Variants in CALR3 observed in about 807,000 individuals in gnomAD.
The protein encoded by CALR3 is calreticulin-3.
A neutral mutation model predicts 48.7 loss-of-function variants in CALR3; 39 were observed. The ratio of observed to expected loss-of-function variants is 0.80; its 90% CI spans 0.62 to 1.05. CALR3 has a LOEUF of 1.05. CALR3 is among the 50% of genes least tolerant of loss of function. The pLI, the probability that CALR3 is intolerant of heterozygous loss-of-function variation, is 0.00. For synonymous variants in CALR3, 185 were observed against 172.7 expected (o/e 1.07, Z -0.56); for missense variants, 449 against 474.7 (o/e 0.95, Z 0.50).
intron 3 of CALR3, among the ~76,000 whole-genome samples, chr19:16,489,435 A>C (rs2093394373): frequency 6.6e-6 from 1 of 152,172 alleles, no homozygotes; most frequent in Non-Finnish European, 1.5e-5. Context: ...CCTGACCAAC[A>C]TGGAGAAACC....
chr19:16,480,740 T>C (rs1055840112), intron 7 of CALR3, 34 bp from the exon 8 acceptor site: 28 of 1,339,174 alleles, frequency 2.1e-5, no homozygotes, highest in Non-Finnish European at 3.0e-5. Flanking sequence ...ATTATTATGC[T>C]TTTATTCTTT....
intron 2 of CALR3, among the ~76,000 whole-genome samples, chr19:16,494,305 G>A (rs533076178): frequency 1.3e-5 from 2 of 152,042 alleles, no homozygotes; most frequent in African/African-American, 2.4e-5. Flanking sequence ...CAAGTAATCC[G>A]CCTGCCTTGG....
intron 3 of CALR3, among the ~76,000 whole-genome samples, chr19:16,485,958 A>G (rs2093388433): frequency 6.6e-6 from 1 of 152,116 alleles, no homozygotes; most frequent in South Asian, 2.1e-4. Flanking sequence ...GCATCTGGTC[A>G]CATGTGTGAA....
chr19:16,481,425 C>T (rs2093380457), intron 7 of CALR3, among the ~76,000 whole-genome samples: 1 of 150,188 alleles, frequency 6.7e-6, no homozygotes, highest in Non-Finnish European at 1.5e-5. Context: ...GGCTGCACAT[C>T]GGGATCACCA....
At chr19:16,481,903 T>A (rs2122126852) in intron 7 of CALR3, among the ~76,000 whole-genome samples, 1 of 107,086 alleles carries the variant, frequency 9.3e-6, no homozygotes. Context: ...GACTCCCATC[T>A]CTTTTTTTTT....
rs755784741 is a variant in CALR3 at position 16,496,099 on chromosome 19, T to G, written c.31A>C (p.Ile11Leu). The change falls in exon 1 of 9, where the codon ATA becomes CTA. Residue 11 changes from isoleucine to leucine, a missense_variant. Physicochemically the swap from Ile to Leu is conservative, Grantham distance 5. Transcript: ENST00000269881. The stretch of plus-strand genomic sequence containing the variant: ...GCCAGCGCCACTCGCAGCATGCATA[T>G]GGCCCAGAGCTGGACCAAAGCCCGG... MARALVQLWA[I>L]CMLRVALATV... 6.2e-6 allele frequency: 10 copies of G among 1,606,906 alleles called. No individual in the cohort carries two copies. The highest frequency in any genetic ancestry group is 8.5e-6 in the Non-Finnish European group (10 of 1,176,858).
chr19:16,482,662 CAA>C lies in CALR3; in HGVS notation c.786+14_786+15del, dbSNP rs2093382969. On this transcript the variant is annotated intron_variant, in intron 6 of 8. Coordinates refer to ENST00000269881, the MANE Select transcript of CALR3 (RefSeq NM_145046.5). ...GCCCTGGGGCATCCCTGGCATCATA[CAA>C]AGAGGCCACACACCTGGTACGGGGG... The C allele has an allele frequency of 6.2e-7, 1 of 1,614,090 alleles. No homozygotes were observed. The highest frequency in any genetic ancestry group is 1.7e-5 in the Admixed American group (1 of 60,004).
chr19:16,483,896 G>A (rs772004741), intron 5 of CALR3, 34 bp downstream of exon 5: 53 of 1,605,308 alleles, frequency 3.3e-5, no homozygotes, highest in Admixed American at 2.9e-4. Flanking sequence ...CTACATTTGT[G>A]CACTTTTTAG....
intron 7 of CALR3, among the ~76,000 whole-genome samples, chr19:16,480,908 C>A (rs1001240391): frequency 2.6e-5 from 4 of 152,202 alleles, no homozygotes; most frequent in East Asian, 3.9e-4. Context: ...ATAATCCCAG[C>A]ACTTTGGGAG....
rs2093396322 is a variant in CALR3 at position 16,490,556 on chromosome 19, G to A, written c.208C>T (p.Gln70Ter). The part of the protein sequence containing the change: ...KEKDKGLQTT[Q>*]NGRFYAISAR... ...GAGATGGCATAGAATCGGCCATTCT[G>A]AGTGGTTTGCAGACCTTTGAACAAA... Residue 70 changes from glutamine to a stop codon, truncating the protein, a stop_gained, in exon 3 of 9, where the codon CAG becomes TAG. Transcript: ENST00000269881. LOFTEE classifies it high-confidence loss of function. 6.2e-7 allele frequency: 1 copy of A among 1,614,108 alleles called. No individual in the cohort carries two copies. Among genetic ancestry groups the A allele is most frequent in the African/African-American group, 1.3e-5 (1 of 75,042 alleles).
intron 3 of CALR3, among the ~76,000 whole-genome samples, chr19:16,485,848 A>AG (rs57816225): frequency 0.84 from 126,952 of 151,234 alleles, 53,414 homozygotes; most frequent in South Asian, 0.89. Flanking sequence ...TAGTAGAGAC[A>AG]GGTTTTGCCA....
Position 16,482,659 on chromosome 19 carries a change from A to G in CALR3, c.786+19T>C, listed in dbSNP as rs758740629. On this transcript the variant is annotated intron_variant, in intron 6 of 8. Coordinates refer to ENST00000269881, the MANE Select transcript of CALR3 (RefSeq NM_145046.5). The stretch of plus-strand genomic sequence containing the variant: ...GCAGCCCTGGGGCATCCCTGGCATC[A>G]TACAAAGAGGCCACACACCTGGTAC... 2.5e-6 allele frequency: 4 copies of G among 1,614,106 alleles called. No homozygotes were observed. In the South Asian group the frequency reaches 4.4e-5, roughly 18 times the overall value.
intron 3 of CALR3, among the ~76,000 whole-genome samples, chr19:16,489,878 C>T (rs970305253): frequency 2.0e-4 from 31 of 152,078 alleles, no homozygotes; most frequent in Non-Finnish European, 2.9e-4. Flanking sequence ...AAAAACTACA[C>T]AGGTTGAGCA....
Position 16,496,030 on chromosome 19 carries a change from C to T in CALR3, c.91+9G>A. The T allele has an allele frequency of 6.3e-7, 1 of 1,586,870 alleles. No individual in the cohort carries two copies. The highest frequency in any genetic ancestry group is 8.6e-7 in the Non-Finnish European group (1 of 1,165,882). On this transcript the variant is annotated intron_variant, in intron 1 of 8. Coordinates refer to ENST00000269881, the MANE Select transcript of CALR3 (RefSeq NM_145046.5). ...TACACCTCCGCCACCACGGGCGTGG[C>T]CCCTTCACCTCCGTCTAGAAATTCC...
chr19:16,489,619 C>CAA (rs56111667), intron 3 of CALR3, among the ~76,000 whole-genome samples: 2 of 139,008 alleles, frequency 1.4e-5, no homozygotes, highest in African/African-American at 2.7e-5. Flanking sequence ...AACTCTGTCT[C>CAA]AAAAAAAAAA....
chr19:16,484,743 C>T (rs2122132779), intron 4 of CALR3, among the ~76,000 whole-genome samples: 1 of 152,190 alleles, frequency 6.6e-6, no homozygotes, highest in African/African-American at 2.4e-5. Context: ...GTCTTGAACT[C>T]CTTGGCTCAA....
intron 8 of CALR3, 51 bp from the exon 9 acceptor site, chr19:16,479,325 C>A: frequency 6.2e-7 from 1 of 1,608,880 alleles, no homozygotes. Context: ...ATGGCTCGTG[C>A]CTGTAATCCC....
At position 16,493,878 on chromosome 19, in the gene CALR3, C is replaced by T. The variant is rs181213262; in HGVS notation, c.193+1873G>A. Among the ~76,000 whole-genome samples, 36 of 151,890 alleles carry T rather than the reference C, an allele frequency of 2.4e-4. No individual in the cohort carries two copies. The East Asian group carries it at 4.4e-3, about 19-fold the overall frequency. On this transcript the variant is annotated intron_variant, in intron 2 of 8. Coordinates refer to ENST00000269881, the MANE Select transcript of CALR3 (RefSeq NM_145046.5). ...AAGTAGGTGAGATTATAGATGTGTG[C>T]CACCATGCCCAGCTAATTTTTGTAT...
At position 16,482,201 on chromosome 19, in the gene CALR3, C is replaced by T. The variant is rs8112401; in HGVS notation, c.918+249G>A. Reference sequence around the variant, plus strand: ...GGGATTACAGGAGTGAGCCACCGCGCACAGCCTAGACTCCCATTTCTTAAA... The same window carrying T: ...GGGATTACAGGAGTGAGCCACCGCGTACAGCCTAGACTCCCATTTCTTAAA... On this transcript the variant is annotated intron_variant, in intron 7 of 8. Transcript: ENST00000269881. 0.63 allele frequency among the ~76,000 whole-genome samples: 95,491 copies of T among 151,296 alleles called. 30,773 individuals carry two copies. The highest frequency in any genetic ancestry group is 0.75 in the South Asian group (3,585 of 4,798).
Sources: gnomAD v4.1 joint callset for allele counts (sites outside exome capture counted in the v4.1 genomes callset) on GRCh38, gnomAD v4.1.1 for gene constraint, MANE v1.5 for transcripts, NCBI Gene and HGNC (gene_info 2026-07-23, HGNC 2026-07-21) for gene names.